SPIDR: variants seen among roughly 807,000 people sequenced by gnomAD.
The protein encoded by SPIDR is DNA repair-scaffolding protein.
Under a neutral mutation model 104.6 loss-of-function variants are expected in SPIDR, and 93 were observed. The ratio of observed to expected loss-of-function variants is 0.89; its 90% CI spans 0.75 to 1.06. SPIDR has a LOEUF of 1.06. Ranked by LOEUF, SPIDR falls within the 50% of genes least tolerant of loss-of-function variation. The pLI is 0.00. For synonymous variants in SPIDR, 431 were observed against 416.9 expected, an observed-to-expected ratio of 1.03 and a Z score of -0.41; for missense variants, 1,154 against 1,111.2, an observed-to-expected ratio of 1.04 and a Z score of -0.55.
intron 8 of SPIDR, among the ~76,000 whole-genome samples, chr8:47,583,876 C>T (rs1331902550): frequency 2.0e-5 from 3 of 152,196 alleles, no homozygotes; most frequent in Admixed American, 6.5e-5. Flanking sequence ...AGAGGGGCCG[C>T]CCTTGGAGCA....
intron 8 of SPIDR, among the ~76,000 whole-genome samples, chr8:47,529,054 G>A (rs28821893): frequency 4.0e-4 from 61 of 152,276 alleles, no homozygotes; most frequent in Admixed American, 1.1e-3. Context: ...CACCTATAGC[G>A]GAAGAAGAAT....
intron 8 of SPIDR, among the ~76,000 whole-genome samples, chr8:47,491,434 G>A (rs1355107422): frequency 6.6e-6 from 1 of 151,576 alleles, no homozygotes; most frequent in Non-Finnish European, 1.5e-5. Flanking sequence ...CTGTGGTTCA[G>A]CAATATAATA....
intron 5 of SPIDR, among the ~76,000 whole-genome samples, chr8:47,362,646 G>A (rs1420390126): frequency 2.0e-5 from 3 of 151,914 alleles, no homozygotes; most frequent in Non-Finnish European, 4.4e-5. Context: ...GGTGTTTTTT[G>A]TTGGTTTGTT....
At chr8:47,622,852 G>A (rs1040709601) in intron 10 of SPIDR, among the ~76,000 whole-genome samples, 1 of 151,996 alleles carries the variant, frequency 6.6e-6, no homozygotes, top group Non-Finnish European at 1.5e-5. Context: ...AATTATCCAG[G>A]CACCCTCTTT....
chr8:47,526,138 G>T lies in SPIDR; in HGVS notation c.1098-69673G>T, dbSNP rs1426162821. ...CAGAAAGGAAAGATGTTCTGTTGTG[G>T]GGCTGTTCCCAGGCTCAGCTTCCTC... is the stretch of plus-strand genomic sequence containing the variant. On this transcript the variant is annotated intron_variant, in intron 8 of 19. Transcript: ENST00000297423. Among the ~76,000 whole-genome samples, 4 of 152,304 alleles carry T rather than the reference G, an allele frequency of 2.6e-5. No homozygotes were observed. The East Asian group carries it at 7.7e-4, about 29-fold the overall frequency.
At chr8:47,364,352 G>T (rs1215340093) in intron 5 of SPIDR, among the ~76,000 whole-genome samples, 1 of 152,180 alleles carries the variant, frequency 6.6e-6, no homozygotes, top group African/African-American at 2.4e-5. Context: ...GTAGCTCCCA[G>T]CTGAAGTTCA....
chr8:47,554,552 T>G (rs183246934), intron 8 of SPIDR, among the ~76,000 whole-genome samples: 3 of 152,338 alleles, frequency 2.0e-5, no homozygotes, highest in African/African-American at 2.4e-5. Context: ...CTCTGAGCCA[T>G]GCGCGGGATA....
intron 1 of SPIDR, among the ~76,000 whole-genome samples, chr8:47,264,549 T>G (rs1377436218): frequency 1.3e-5 from 2 of 152,092 alleles, no homozygotes; most frequent in African/African-American, 2.4e-5. Flanking sequence ...CCTTTGTGCC[T>G]TGTGTTCTCC....
chr8:47,288,109 C>T (rs1444686731), intron 3 of SPIDR, among the ~76,000 whole-genome samples: 2 of 152,264 alleles, frequency 1.3e-5, no homozygotes, highest in African/African-American at 4.8e-5. Context: ...CTTCCTGCAA[C>T]ACTTAAGTTT....
intron 8 of SPIDR, among the ~76,000 whole-genome samples, chr8:47,496,019 A>G (rs947888217): frequency 3.3e-5 from 5 of 152,214 alleles, no homozygotes; most frequent in Non-Finnish European, 5.9e-5. Flanking sequence ...TAAATTTAAG[A>G]TAAATACAAT....
chr8:47,501,840 G>A (rs1401295813), intron 8 of SPIDR, among the ~76,000 whole-genome samples: 1 of 152,110 alleles, frequency 6.6e-6, no homozygotes, highest in Non-Finnish European at 1.5e-5. Context: ...TTTATTGAGA[G>A]TTTTTAGCAT....
Position 47,735,463 on chromosome 8 carries a change from G to T in SPIDR, c.*13G>T, listed in dbSNP as rs377034261. The T allele has an allele frequency of 1.2e-6, 2 of 1,614,062 alleles. No homozygotes were observed. The highest frequency in any genetic ancestry group is 8.5e-7 in the Non-Finnish European group (1 of 1,180,012). On this transcript the variant is annotated 3_prime_UTR_variant, in exon 20 of 20. Coordinates refer to ENST00000297423, the MANE Select transcript of SPIDR (RefSeq NM_001080394.4). ...TGCAGAACACTAGCGGTTGCCGCAG[G>T]ATCTGTGAACTTTGCAATGTGGCTG...
chr8:47,691,290 CAAA>C (rs60147394), intron 11 of SPIDR, among the ~76,000 whole-genome samples: 1,596 of 86,576 alleles, frequency 0.018, 27 homozygotes, highest in African/African-American at 0.073. Context: ...GACTCCGTCT[CAAA>C]AAAAAAAAAA....
chr8:47,393,898 C>A (rs1364650459), intron 5 of SPIDR, among the ~76,000 whole-genome samples: 1 of 151,156 alleles, frequency 6.6e-6, no homozygotes, highest in African/African-American at 2.4e-5. Context: ...TGTCTTTCGT[C>A]CTCCCCTCCC....
At chr8:47,562,386 G>A (rs2057191063) in intron 8 of SPIDR, among the ~76,000 whole-genome samples, 2 of 152,202 alleles carry the variant, frequency 1.3e-5, no homozygotes, top group Admixed American at 1.3e-4. Context: ...GTTTCCTTCA[G>A]GGGTGAAATG....
At chr8:47,681,410 A>G (rs2077085525) in intron 11 of SPIDR, among the ~76,000 whole-genome samples, 1 of 152,172 alleles carries the variant, frequency 6.6e-6, no homozygotes, top group African/African-American at 2.4e-5. Flanking sequence ...TAGAAGGTAC[A>G]GTAAGCTCTA....
At chr8:47,539,310 T>C (rs1455017680) in intron 8 of SPIDR, among the ~76,000 whole-genome samples, 1 of 152,178 alleles carries the variant, frequency 6.6e-6, no homozygotes, top group Non-Finnish European at 1.5e-5. Context: ...CACACCATCA[T>C]ATGTAAGTCC....
chr8:47,681,056 C>A (rs1342577929), intron 11 of SPIDR, among the ~76,000 whole-genome samples: 1 of 152,208 alleles, frequency 6.6e-6, no homozygotes. Context: ...GAGCAAGACT[C>A]CATCTCAAAA....
chr8:47,441,117 TTAA>T, intron 8 of SPIDR, among the ~76,000 whole-genome samples: 1 of 152,320 alleles, frequency 6.6e-6, no homozygotes, highest in South Asian at 2.1e-4. Context: ...GAGCTAATTA[TTAA>T]TTTTTTCGTA....
Sources: allele counts gnomAD v4.1 joint callset (sites outside exome capture counted in the v4.1 genomes callset), GRCh38; gene constraint gnomAD v4.1.1; transcripts MANE v1.5; gene names NCBI Gene and HGNC (gene_info 2026-07-23, HGNC 2026-07-21).